Variants in PDE4B observed in about 807,000 individuals in gnomAD.
PDE4B encodes the protein phosphodiesterase 4B, also known as 3',5'-cyclic-AMP phosphodiesterase 4B.
Under a neutral mutation model 82.2 loss-of-function variants are expected in PDE4B, and 20 were observed. That is an observed-to-expected ratio of 0.24 (90% CI 0.17 to 0.35). The LOEUF (loss-of-function observed/expected upper bound fraction) is 0.35, where lower values mean the gene tolerates loss of function less well. PDE4B is among the 10% of genes least tolerant of loss of function. The probability of loss-of-function intolerance (pLI) is 1.00; values close to 1 mark genes in which losing one functional copy is unlikely to be tolerated. For missense variants in PDE4B, 655 were observed against 907.2 expected (o/e 0.72, Z 3.57); for synonymous variants, 320 against 318.9 (o/e 1.00, Z -0.04).
chr1:66,368,580 T>G (rs1663422950), intron 15 of PDE4B, among the ~76,000 whole-genome samples: 2 of 152,352 alleles, frequency 1.3e-5, no homozygotes, highest in South Asian at 4.1e-4. Flanking sequence ...AGACACACGT[T>G]TTCCCCTTTG....
At chr1:66,177,851 CT>C (rs1646965824) in intron 3 of PDE4B, among the ~76,000 whole-genome samples, 1 of 152,048 alleles carries the variant, frequency 6.6e-6, no homozygotes, top group African/African-American at 2.4e-5. Context: ...ATAGTCAAAG[CT>C]TTACAGGAGT....
At chr1:66,300,686 G>A (rs1264090794) in intron 7 of PDE4B, among the ~76,000 whole-genome samples, 2 of 152,110 alleles carry the variant, frequency 1.3e-5, no homozygotes, top group Admixed American at 6.6e-5. Flanking sequence ...TGAATTGGAC[G>A]CAGACCCTGA....
chr1:66,062,251 A>G (rs1434982045), intron 3 of PDE4B, among the ~76,000 whole-genome samples: 1 of 152,072 alleles, frequency 6.6e-6, no homozygotes, highest in Admixed American at 6.6e-5. Flanking sequence ...ACAAAATGCA[A>G]TTTTTCCTCT....
intron 1 of PDE4B, among the ~76,000 whole-genome samples, chr1:65,827,083 A>G (rs1646027516): frequency 6.6e-6 from 1 of 152,178 alleles, no homozygotes; most frequent in South Asian, 2.1e-4. Context: ...TAATCATAGC[A>G]ACTGCAAACA....
intron 4 of PDE4B, 136 bp from the exon 5 acceptor site, chr1:66,257,511 C>A (rs747883722): frequency 2.2e-6 from 2 of 920,702 alleles, no homozygotes; most frequent in Non-Finnish European, 1.8e-6. Flanking sequence ...AATTGTGAGT[C>A]CTGTCTTATA....
intron 7 of PDE4B, among the ~76,000 whole-genome samples, chr1:66,310,497 GA>G: frequency 6.6e-6 from 1 of 152,142 alleles, no homozygotes; most frequent in East Asian, 1.9e-4. Flanking sequence ...TAGTTACTCA[GA>G]AAAAAAGTAT....
intron 1 of PDE4B, among the ~76,000 whole-genome samples, chr1:65,802,973 T>G (rs1273522566): frequency 6.6e-6 from 1 of 152,156 alleles, no homozygotes; most frequent in African/African-American, 2.4e-5. Context: ...TAAAATGTAT[T>G]TGTGTACTAT....
chr1:65,838,966 G>A (rs919633125), intron 1 of PDE4B, among the ~76,000 whole-genome samples: 5 of 152,132 alleles, frequency 3.3e-5, no homozygotes, highest in Non-Finnish European at 7.4e-5. Flanking sequence ...TAATTTCATT[G>A]TGTTGGATGA....
chr1:66,366,894 A>G (rs1183639693), intron 13 of PDE4B, among the ~76,000 whole-genome samples: 2 of 152,226 alleles, frequency 1.3e-5, no homozygotes, highest in Non-Finnish European at 2.9e-5. Context: ...TAAAGCAATG[A>G]TATATGTGTA....
intron 7 of PDE4B, among the ~76,000 whole-genome samples, chr1:66,297,583 C>T (rs1004562678): frequency 6.6e-6 from 1 of 152,108 alleles, no homozygotes; most frequent in Non-Finnish European, 1.5e-5. Flanking sequence ...TTTACTTTCT[C>T]ATGCATTTAT....
rs1557679598 is a variant in PDE4B, at chr1:66,286,057, A to T, written c.634+19970A>T. On this transcript the variant is annotated intron_variant, in intron 7 of 16. Transcript: ENST00000341517. ...ATGTAAAACCAGATCCAACAACCAAACCCAGCTAGAAGGTTAAATAAATAA... is the reference window on the plus strand; with the variant it reads ...ATGTAAAACCAGATCCAACAACCAATCCCAGCTAGAAGGTTAAATAAATAA... 3.3e-5 allele frequency among the ~76,000 whole-genome samples: 5 copies of T among 152,100 alleles called. No individual in the cohort carries two copies. The South Asian group carries it at 1.0e-3, about 31-fold the overall frequency.
intron 1 of PDE4B, among the ~76,000 whole-genome samples, chr1:65,813,444 A>G (rs949475845): frequency 2.0e-5 from 3 of 152,230 alleles, no homozygotes; most frequent in Non-Finnish European, 2.9e-5. Flanking sequence ...TTTGCCATAT[A>G]AAATAATACC....
chr1:65,856,525 A>G (rs765893217), intron 1 of PDE4B, among the ~76,000 whole-genome samples: 18 of 152,066 alleles, frequency 1.2e-4, no homozygotes, highest in Non-Finnish European at 2.4e-4. Context: ...TCATTGTATG[A>G]CTGCATAGTA....
At chr1:66,019,785 A>C (rs1334745419) in intron 3 of PDE4B, among the ~76,000 whole-genome samples, 1 of 152,232 alleles carries the variant, frequency 6.6e-6, no homozygotes, top group Non-Finnish European at 1.5e-5. Context: ...TTTGTTGTTT[A>C]ATCACACTTT....
intron 2 of PDE4B, among the ~76,000 whole-genome samples, chr1:65,918,093 G>A (rs1395896215): frequency 6.6e-6 from 1 of 152,198 alleles, no homozygotes; most frequent in Non-Finnish European, 1.5e-5. Context: ...AAACCCAGGA[G>A]GAAGTGGTTG....
intron 6 of PDE4B, among the ~76,000 whole-genome samples, chr1:66,263,894 G>T (rs765647038): frequency 6.6e-6 from 1 of 152,186 alleles, no homozygotes; most frequent in Non-Finnish European, 1.5e-5. Context: ...CAAGGAAAAA[G>T]AAGTGTTCAA....
chr1:66,081,195 CT>C (rs1557546810), intron 3 of PDE4B, among the ~76,000 whole-genome samples: 1 of 152,022 alleles, frequency 6.6e-6, no homozygotes, highest in Admixed American at 6.6e-5. Context: ...ATAAAAATTG[CT>C]GTTTAGTCAT....
chr1:65,898,178 G>C (rs1557805150), intron 1 of PDE4B, among the ~76,000 whole-genome samples: 1 of 151,330 alleles, frequency 6.6e-6, no homozygotes, highest in African/African-American at 2.4e-5. Context: ...TTTTTAATGG[G>C]GTCGTTTTTT....
intron 7 of PDE4B, among the ~76,000 whole-genome samples, chr1:66,293,885 A>C (rs1330841318): frequency 6.6e-6 from 1 of 152,170 alleles, no homozygotes; most frequent in South Asian, 2.1e-4. Flanking sequence ...TCCAGATCAG[A>C]TAATCTCTAA....
Sources: allele counts gnomAD v4.1 joint callset (sites outside exome capture counted in the v4.1 genomes callset), GRCh38; gene constraint gnomAD v4.1.1; transcripts MANE v1.5; gene names NCBI Gene and HGNC (gene_info 2026-07-23, HGNC 2026-07-21).